Variants in HSD11B1 observed in about 807,000 individuals in gnomAD.
HSD11B1 encodes the protein hydroxysteroid 11-beta dehydrogenase 1, also known as 11-beta-hydroxysteroid dehydrogenase 1.
Under a neutral mutation model 22.1 loss-of-function variants are expected in HSD11B1, and 15 were observed. That is an observed-to-expected ratio of 0.68 (90% CI 0.45 to 1.04). The LOEUF (loss-of-function observed/expected upper bound fraction) is 1.04, where lower values mean the gene tolerates loss of function less well. HSD11B1 is among the 50% of genes least tolerant of loss of function. The pLI, the probability that HSD11B1 is intolerant of heterozygous loss-of-function variation, is 0.00. For synonymous variants in HSD11B1, 122 were observed against 125.2 expected (o/e 0.97, Z 0.17); for missense variants, 281 against 357.6 (o/e 0.79, Z 1.73).
chr1:209,691,152 C>T (rs2076757513), intron 1 of HSD11B1, among the ~76,000 whole-genome samples: 1 of 152,152 alleles, frequency 6.6e-6, no homozygotes, highest in Admixed American at 6.5e-5. Flanking sequence ...AAGCTAGAAA[C>T]TGAAAGGCAA....
chr1:209,724,492 C>T (rs980172394), intron 4 of HSD11B1, among the ~76,000 whole-genome samples: 6 of 152,182 alleles, frequency 3.9e-5, no homozygotes, highest in Admixed American at 2.0e-4. Flanking sequence ...CCCTTCAGAA[C>T]GTGGAAGCCT....
At chr1:209,688,950 A>G (rs1172273052) in intron 1 of HSD11B1, among the ~76,000 whole-genome samples, 1 of 152,226 alleles carries the variant, frequency 6.6e-6, no homozygotes, top group Non-Finnish European at 1.5e-5. Context: ...CTGAGTGCTC[A>G]TGATGGGAAG....
At chr1:209,718,135 G>A (rs887649721) in intron 4 of HSD11B1, among the ~76,000 whole-genome samples, 1 of 152,130 alleles carries the variant, frequency 6.6e-6, no homozygotes, top group Non-Finnish European at 1.5e-5. Context: ...GTTGGCTACT[G>A]ATTACAAATA....
intron 4 of HSD11B1, among the ~76,000 whole-genome samples, chr1:209,708,968 T>C (rs1401132332): frequency 8.5e-5 from 13 of 152,222 alleles, no homozygotes; most frequent in Admixed American, 6.5e-4. Flanking sequence ...AACCTGTCTA[T>C]GAACTTGCAA....
intron 1 of HSD11B1, among the ~76,000 whole-genome samples, chr1:209,697,504 A>G (rs1384999577): frequency 3.3e-5 from 5 of 152,176 alleles, no homozygotes; most frequent in Admixed American, 1.3e-4. Context: ...AATGTCTTAC[A>G]CATTTCATTT....
rs1035534363 is a variant in HSD11B1 at position 209,705,709 on chromosome 1, T to C, written c.89-102T>C. The stretch of plus-strand genomic sequence containing the variant: ...GACAAACTGATCTGGGCTCATAACC[T>C]TTAAGTTACAAATTGCGATAAGCAT... On this transcript the variant is annotated intron_variant, in intron 1 of 5. Coordinates refer to ENST00000367027, the MANE Select transcript of HSD11B1 (RefSeq NM_005525.4). 1.1e-5 allele frequency: 16 copies of C among 1,448,594 alleles called. No homozygotes were observed. In the Admixed American group the frequency reaches 2.7e-4, roughly 24 times the overall value. 89.7% of individuals were successfully genotyped at this position (1,448,594 alleles called of 1,614,324 possible). A position where few individuals can be genotyped will look rare whatever the true frequency, so the allele number is the denominator to read the frequency against.
chr1:209,718,117 G>A (rs1267423737), intron 4 of HSD11B1, among the ~76,000 whole-genome samples: 2 of 152,154 alleles, frequency 1.3e-5, no homozygotes, highest in African/African-American at 4.8e-5. Flanking sequence ...GCAGGAGGGT[G>A]AAGAGGGGTT....
chr1:209,726,297 AAAAAAAACC>A, intron 4 of HSD11B1, among the ~76,000 whole-genome samples: 1 of 149,202 alleles, frequency 6.7e-6, no homozygotes, highest in African/African-American at 2.6e-5. Context: ...AAAAAAAAAA[AAAAAAAACC>A]AAAAATATTT....
intron 1 of HSD11B1, among the ~76,000 whole-genome samples, chr1:209,695,425 A>T (rs2076784931): frequency 6.6e-6 from 1 of 152,182 alleles, no homozygotes; most frequent in South Asian, 2.1e-4. Context: ...TACTAATTAG[A>T]CGGATGGTGA....
intron 4 of HSD11B1, among the ~76,000 whole-genome samples, chr1:209,711,476 A>G (rs960515627): frequency 6.6e-6 from 1 of 152,186 alleles, no homozygotes; most frequent in Admixed American, 6.5e-5. Flanking sequence ...CTCAGAAATA[A>G]TCTTCAGGAA....
chr1:209,697,571 A>T (rs4844880), intron 1 of HSD11B1, among the ~76,000 whole-genome samples: 106,434 of 152,052 alleles, frequency 0.7, 39,744 homozygotes, highest in Non-Finnish European at 0.83. Flanking sequence ...GTTTTTATTC[A>T]TAGTACCTGA....
chr1:209,688,395 A>G (rs1478483846), intron 1 of HSD11B1, among the ~76,000 whole-genome samples: 1 of 152,052 alleles, frequency 6.6e-6, no homozygotes, highest in Non-Finnish European at 1.5e-5. Flanking sequence ...AGTATACATC[A>G]CGCTATGGTG....
intron 1 of HSD11B1, among the ~76,000 whole-genome samples, chr1:209,696,069 T>C (rs2076789489): frequency 6.6e-6 from 1 of 152,180 alleles, no homozygotes; most frequent in South Asian, 2.1e-4. Context: ...CGGAAGAATC[T>C]CAAAAACATG....
intron 4 of HSD11B1, among the ~76,000 whole-genome samples, chr1:209,720,568 C>T (rs1449136369): frequency 6.6e-6 from 1 of 150,490 alleles, no homozygotes; most frequent in African/African-American, 2.5e-5. Context: ...GAGCCAGCTT[C>T]GGCATATCAG....
At chr1:209,698,115 A>G (rs2076803176) in intron 1 of HSD11B1, among the ~76,000 whole-genome samples, 1 of 151,184 alleles carries the variant, frequency 6.6e-6, no homozygotes, top group African/African-American at 2.4e-5. Flanking sequence ...AGTTTATCCC[A>G]TCTTGATAGG....
chr1:209,711,361 A>G (rs2076893698), intron 4 of HSD11B1, among the ~76,000 whole-genome samples: 1 of 152,220 alleles, frequency 6.6e-6, no homozygotes, highest in South Asian at 2.1e-4. Flanking sequence ...ACTCCAGATT[A>G]TGAACGGGCC....
intron 5 of HSD11B1, among the ~76,000 whole-genome samples, chr1:209,733,203 CA>C (rs1306233444): frequency 6.6e-6 from 1 of 152,202 alleles, no homozygotes; most frequent in Non-Finnish European, 1.5e-5. Flanking sequence ...TAATAAGACA[CA>C]CTGGTATCAT....
At chr1:209,686,564 G>A (rs2076730066) in intron 1 of HSD11B1, among the ~76,000 whole-genome samples, 1 of 152,160 alleles carries the variant, frequency 6.6e-6, no homozygotes, top group Non-Finnish European at 1.5e-5. Context: ...GATCATTGTG[G>A]GACAGAAAGT....
upstream of HSD11B1, among the ~76,000 whole-genome samples, chr1:209,701,269 G>A (rs773261649): frequency 4.6e-5 from 7 of 152,152 alleles, no homozygotes; most frequent in Non-Finnish European, 7.4e-5. Context: ...GAATCATGGC[G>A]GGAGGTGAAA....
Sources: allele counts gnomAD v4.1 joint callset (sites outside exome capture counted in the v4.1 genomes callset), GRCh38; gene constraint gnomAD v4.1.1; transcripts MANE v1.5; gene names NCBI Gene and HGNC (gene_info 2026-07-23, HGNC 2026-07-21).